Variants in ADCY8 observed in about 807,000 individuals in gnomAD.
ADCY8 encodes adenylate cyclase 8.
In ADCY8, 51 loss-of-function variants were observed where a neutral mutation model predicts 119.7. The ratio of observed to expected loss-of-function variants is 0.43; its 90% CI spans 0.34 to 0.54. The LOEUF (loss-of-function observed/expected upper bound fraction) is 0.54, where lower values mean the gene tolerates loss of function less well. Ranked by LOEUF, ADCY8 falls within the 20% of genes least tolerant of loss-of-function variation. The pLI, the probability that ADCY8 is intolerant of heterozygous loss-of-function variation, is 0.03. For synonymous variants in ADCY8, 665 were observed against 651.0 expected, an observed-to-expected ratio of 1.02 and a Z score of -0.33; for missense variants, 1,383 against 1,598.8, an observed-to-expected ratio of 0.87 and a Z score of 2.30.
At chr8:130,857,960 CT>C (rs1470105091) in intron 9 of ADCY8, among the ~76,000 whole-genome samples, 1 of 152,080 alleles carries the variant, frequency 6.6e-6, no homozygotes, top group African/African-American at 2.4e-5. Context: ...AATATATTTG[CT>C]GGGTTTTGAT....
At chr8:131,015,333 A>C (rs1308897609) in intron 1 of ADCY8, among the ~76,000 whole-genome samples, 1 of 152,230 alleles carries the variant, frequency 6.6e-6, no homozygotes, top group African/African-American at 2.4e-5. Flanking sequence ...GGGAGTTTCC[A>C]TTTTAGGTGG....
chr8:130,888,827 A>C (rs1819082314), intron 7 of ADCY8, among the ~76,000 whole-genome samples: 2 of 152,066 alleles, frequency 1.3e-5, no homozygotes, highest in African/African-American at 4.8e-5. Context: ...TCCCAGTAAA[A>C]TCCTACTTTT....
intron 2 of ADCY8, among the ~76,000 whole-genome samples, chr8:130,989,227 C>T (rs573049850): frequency 1.8e-4 from 27 of 152,272 alleles, no homozygotes; most frequent in Non-Finnish European, 3.8e-4. Flanking sequence ...TCTGAAAACT[C>T]AGTAGTTTCC....
At chr8:130,910,558 C>G (rs1026369252) in intron 5 of ADCY8, among the ~76,000 whole-genome samples, 1 of 152,184 alleles carries the variant, frequency 6.6e-6, no homozygotes, top group African/African-American at 2.4e-5. Flanking sequence ...TGACCTACTA[C>G]TTAGAGCTGT....
At chr8:131,036,016 A>C (rs1372247245) in intron 1 of ADCY8, among the ~76,000 whole-genome samples, 1 of 152,154 alleles carries the variant, frequency 6.6e-6, no homozygotes, top group Non-Finnish European at 1.5e-5. Context: ...TTAAGTAGTA[A>C]AAGAAGTACT....
chr8:130,880,673 A>C (rs1271881900), intron 8 of ADCY8, among the ~76,000 whole-genome samples: 1 of 152,194 alleles, frequency 6.6e-6, no homozygotes, highest in Non-Finnish European at 1.5e-5. Flanking sequence ...TTGGCTGGGT[A>C]GTGAAGGAAG....
At chr8:130,856,232 A>G (rs563533406) in intron 9 of ADCY8, among the ~76,000 whole-genome samples, 3 of 152,058 alleles carry the variant, frequency 2.0e-5, no homozygotes, top group Admixed American at 6.5e-5. Context: ...TCCTATCACA[A>G]TAGTCATCAC....
At chr8:130,935,993 G>T (rs377309862) in intron 5 of ADCY8, among the ~76,000 whole-genome samples, 2 of 152,064 alleles carry the variant, frequency 1.3e-5, no homozygotes, top group Non-Finnish European at 2.9e-5. Context: ...TCTCATGGAA[G>T]AAGCTTACAA....
intron 11 of ADCY8, among the ~76,000 whole-genome samples, chr8:130,836,930 C>A (rs2130262924): frequency 6.6e-6 from 1 of 152,244 alleles, no homozygotes; most frequent in Admixed American, 6.5e-5. Context: ...GATGGAGTTT[C>A]ACCATGTTGG....
At chr8:131,017,637 G>A (rs1823522833) in intron 1 of ADCY8, among the ~76,000 whole-genome samples, 3 of 152,166 alleles carry the variant, frequency 2.0e-5, no homozygotes, top group Admixed American at 2.0e-4. Flanking sequence ...GCAGCCACCA[G>A]TCAGGGGCTG....
At chr8:130,848,386 C>T (rs1281764928) in intron 10 of ADCY8, among the ~76,000 whole-genome samples, 2 of 152,150 alleles carry the variant, frequency 1.3e-5, no homozygotes, top group African/African-American at 4.8e-5. Flanking sequence ...TCAATTGATC[C>T]CATGTACTTC....
intron 12 of ADCY8, among the ~76,000 whole-genome samples, chr8:130,831,146 G>GA (rs974449075): frequency 1.3e-5 from 2 of 152,178 alleles, no homozygotes; most frequent in Admixed American, 1.3e-4. Context: ...GCAATAATGA[G>GA]AAAAAATCTT....
chr8:130,901,241 T>C (rs947315024), intron 7 of ADCY8, among the ~76,000 whole-genome samples: 1 of 108,552 alleles, frequency 9.2e-6, no homozygotes, highest in African/African-American at 4.1e-5. Context: ...CCATCCCTCC[T>C]CTTTTTTTTT....
At chr8:131,003,187 C>T (rs1387489378) in intron 1 of ADCY8, among the ~76,000 whole-genome samples, 2 of 139,196 alleles carry the variant, frequency 1.4e-5, no homozygotes, top group African/African-American at 5.5e-5. Context: ...CCAGCCTGGG[C>T]AACAAGAGTG....
At chr8:130,837,586 TA>T (rs2130265225) in intron 11 of ADCY8, among the ~76,000 whole-genome samples, 1 of 152,310 alleles carries the variant, frequency 6.6e-6, no homozygotes, top group South Asian at 2.1e-4. Context: ...GAGTAGCCCT[TA>T]GGTGTCAGTC....
intron 2 of ADCY8, among the ~76,000 whole-genome samples, chr8:130,968,202 G>A (rs573992723): frequency 1.3e-5 from 2 of 149,824 alleles, no homozygotes; most frequent in Non-Finnish European, 1.5e-5. Context: ...ACAGGGTCTC[G>A]CTCTGTCACC....
At chr8:130,929,699 T>C (rs886673008) in intron 5 of ADCY8, among the ~76,000 whole-genome samples, 1 of 152,202 alleles carries the variant, frequency 6.6e-6, no homozygotes, top group Non-Finnish European at 1.5e-5. Flanking sequence ...TGATTTCCTA[T>C]GTGGATAATC....
At chr8:130,813,087 A>G (rs28419668) in intron 14 of ADCY8, among the ~76,000 whole-genome samples, 3,053 of 151,972 alleles carry the variant, frequency 0.02, 107 homozygotes, top group African/African-American at 0.07. Flanking sequence ...AGCTGGGATT[A>G]CAGGCGCCTG....
At chr8:130,904,193 A>G in intron 6 of ADCY8, 151 bp from the exon 7 acceptor site, 7 of 785,532 alleles carry the variant, frequency 8.9e-6, no homozygotes, top group South Asian at 5.7e-5. Context: ...TAAAAAGTAG[A>G]AAGAATAAAA....
Sources: allele counts gnomAD v4.1 joint callset (sites outside exome capture counted in the v4.1 genomes callset), GRCh38; gene constraint gnomAD v4.1.1; transcripts MANE v1.5; gene names NCBI Gene and HGNC (gene_info 2026-07-23, HGNC 2026-07-21).